ABHD2: variants seen among roughly 807,000 people sequenced by gnomAD.
ABHD2 encodes the protein monoacylglycerol lipase ABHD2.
In ABHD2, 20 loss-of-function variants were observed where a neutral mutation model predicts 48.1. The ratio of observed to expected loss-of-function variants is 0.42; its 90% CI spans 0.29 to 0.60. The LOEUF (loss-of-function observed/expected upper bound fraction) is 0.60. ABHD2 is among the 20% of genes least tolerant of loss of function. The pLI is 0.24. For missense variants in ABHD2, 405 were observed against 550.9 expected (o/e 0.74, Z 2.65); for synonymous variants, 209 against 214.2 (o/e 0.98, Z 0.21).
At chr15:89,107,821 A>G (rs1167825539) in intron 1 of ABHD2, among the ~76,000 whole-genome samples, 1 of 152,146 alleles carries the variant, frequency 6.6e-6, no homozygotes, top group Non-Finnish European at 1.5e-5. Flanking sequence ...ACCCATAAGT[A>G]TCAAAGCTTG....
At position 89,155,956 on chromosome 15, in the gene ABHD2, C is replaced by T. The variant is rs930361468; in HGVS notation, c.538+422C>T. ...GAATGTCAGTGGGAAGGGAGCCTGGCACAGTAGCAACTCACTGGATTTTAG... is the reference window on the plus strand; with the variant it reads ...GAATGTCAGTGGGAAGGGAGCCTGGTACAGTAGCAACTCACTGGATTTTAG... On this transcript the variant is annotated intron_variant, in intron 5 of 10. Transcript: ENST00000352732. The surrounding 1 kb of genome is among the most constrained non-coding windows in gnomAD (Gnocchi z 4.9). Among the ~76,000 whole-genome samples, 3 of 152,152 alleles carry T rather than the reference C, an allele frequency of 2.0e-5. No homozygotes were observed. Among genetic ancestry groups the T allele is most frequent in the African/African-American group, 7.2e-5 (3 of 41,422 alleles).
At chr15:89,041,583 T>C in the ABHD2 span, among the ~76,000 whole-genome samples, 1 of 152,204 alleles carries the variant, frequency 6.6e-6, no homozygotes, top group Non-Finnish European at 1.5e-5. Context: ...TGGCTATTCA[T>C]TGGCTGGAAG....
At chr15:89,157,349 A>G (rs1261926341) in intron 5 of ABHD2, among the ~76,000 whole-genome samples, 1 of 152,182 alleles carries the variant, frequency 6.6e-6, no homozygotes, top group East Asian at 1.9e-4. Flanking sequence ...GCCACTGGTA[A>G]CATGCAAGGG....
chr15:89,129,402 C>G lies in ABHD2; in HGVS notation c.194+12881C>G, dbSNP rs140890014. On this transcript the variant is annotated intron_variant, in intron 3 of 10. Coordinates refer to ENST00000352732, the MANE Select transcript of ABHD2 (RefSeq NM_152924.5). ...TGAGGGCTGACCAAAGGCCATCTACCTTGGCCAGAAAGGATCAGGGATTTT... is the reference window on the plus strand; with the variant it reads ...TGAGGGCTGACCAAAGGCCATCTACGTTGGCCAGAAAGGATCAGGGATTTT... Among the ~76,000 whole-genome samples the G allele has an allele frequency of 2.0e-3, 305 of 152,256 alleles. 2 individuals carry two copies. The highest frequency in any genetic ancestry group is 0.015 in the East Asian group (80 of 5,182).
chr15:89,056,908 C>CTTTTTTTTTT, the ABHD2 span, among the ~76,000 whole-genome samples: 1 of 87,418 alleles, frequency 1.1e-5, no homozygotes, highest in African/African-American at 4.6e-5. Context: ...TAAGTGATAC[C>CTTTTTTTTTT]TTTTTTTTTT....
the ABHD2 span, among the ~76,000 whole-genome samples, chr15:89,068,999 C>G: frequency 6.6e-6 from 1 of 151,610 alleles, no homozygotes; most frequent in Non-Finnish European, 1.5e-5. Context: ...GAACTCCTGA[C>G]CTTGTGATCC....
chr15:89,142,542 C>T (rs1269187378), intron 3 of ABHD2, among the ~76,000 whole-genome samples: 1 of 152,148 alleles, frequency 6.6e-6, no homozygotes, highest in Non-Finnish European at 1.5e-5. Context: ...GTTCTTGCAG[C>T]TAAATTAGAG....
At chr15:89,071,562 C>G in the ABHD2 span, among the ~76,000 whole-genome samples, 5 of 152,300 alleles carry the variant, frequency 3.3e-5, no homozygotes, top group Admixed American at 3.3e-4. Flanking sequence ...AAAACCCTCC[C>G]CTTAACAACC....
At chr15:89,068,038 C>T in the ABHD2 span, among the ~76,000 whole-genome samples, 1 of 152,296 alleles carries the variant, frequency 6.6e-6, no homozygotes, top group Admixed American at 6.5e-5. Context: ...TTCTCAAAGA[C>T]CAAACCCTAG....
In ABHD2 at chr15:89,187,492, G is replaced by A. The variant is rs1362170839; in HGVS notation, c.816-701G>A. ...TAAATCCTTCCTACCGCAGGGCCAT[G>A]CCTCAACAAATTCAGTCCGCTTCCA... On this transcript the variant is annotated intron_variant, in intron 7 of 10. Transcript: ENST00000352732. Among the ~76,000 whole-genome samples, 5 of 152,352 alleles carry A rather than the reference G, an allele frequency of 3.3e-5. No homozygotes were observed. The East Asian group carries it at 7.7e-4, about 24-fold the overall frequency.
At chr15:89,056,909 T>G in the ABHD2 span, among the ~76,000 whole-genome samples, 332 of 12,650 alleles carry the variant, frequency 0.026, 3 homozygotes, top group Non-Finnish European at 0.078. Flanking sequence ...AAGTGATACC[T>G]TTTTTTTTTT....
At chr15:89,044,068 A>G in the ABHD2 span, among the ~76,000 whole-genome samples, 6 of 151,934 alleles carry the variant, frequency 3.9e-5, no homozygotes, top group African/African-American at 1.2e-4. Flanking sequence ...CCCAACCCAC[A>G]ACAGGCCCCA....
At chr15:89,044,742 G>A in the ABHD2 span, among the ~76,000 whole-genome samples, 1 of 152,098 alleles carries the variant, frequency 6.6e-6, no homozygotes, top group Non-Finnish European at 1.5e-5. Flanking sequence ...CCCACTTTTT[G>A]ATGGGGTTGT....
the ABHD2 span, among the ~76,000 whole-genome samples, chr15:89,064,645 T>C: frequency 6.6e-6 from 1 of 152,178 alleles, no homozygotes; most frequent in Non-Finnish European, 1.5e-5. Flanking sequence ...TAAAATTAAA[T>C]TATTATTTTT....
intron 5 of ABHD2, among the ~76,000 whole-genome samples, chr15:89,169,841 C>G (rs573366986): frequency 3.9e-5 from 6 of 152,206 alleles, no homozygotes; most frequent in Non-Finnish European, 7.4e-5. Flanking sequence ...AACAGTCAAA[C>G]TGTGCCAAAG....
chr15:89,080,945 T>C, the ABHD2 span, among the ~76,000 whole-genome samples: 3 of 151,744 alleles, frequency 2.0e-5, no homozygotes, highest in Admixed American at 2.0e-4. Context: ...CTTTACATAA[T>C]GTCTTCAAGT....
chr15:89,049,772 G>A, the ABHD2 span, among the ~76,000 whole-genome samples: 1 of 152,224 alleles, frequency 6.6e-6, no homozygotes, highest in African/African-American at 2.4e-5. Flanking sequence ...CGCACCCACT[G>A]ACCTGCGCCC....
the ABHD2 span, among the ~76,000 whole-genome samples, chr15:89,043,839 C>A: frequency 6.6e-6 from 1 of 151,908 alleles, no homozygotes; most frequent in Non-Finnish European, 1.5e-5. Flanking sequence ...TTGATATATT[C>A]ATCTATGAGT....
chr15:89,160,731 G>A (rs1402471873), intron 5 of ABHD2, among the ~76,000 whole-genome samples: 1 of 152,168 alleles, frequency 6.6e-6, no homozygotes, highest in East Asian at 1.9e-4. Context: ...GCAGCTACCT[G>A]CTGGAACATT....
Sources: allele counts gnomAD v4.1 joint callset (sites outside exome capture counted in the v4.1 genomes callset), GRCh38; gene constraint gnomAD v4.1.1; non-coding constraint Gnocchi (gnomAD v3.1); transcripts MANE v1.5; gene names NCBI Gene and HGNC (gene_info 2026-07-23, HGNC 2026-07-21).